Variants in STRN observed in about 807,000 individuals in gnomAD.
The protein encoded by STRN is protein phosphatase 2 regulatory subunit B'''alpha.
In STRN, 53 loss-of-function variants were observed where a neutral mutation model predicts 96.3. That is an observed-to-expected ratio of 0.55 (90% CI 0.44 to 0.69). The LOEUF (loss-of-function observed/expected upper bound fraction) is 0.69, where lower values mean the gene tolerates loss of function less well. Ranked by LOEUF, STRN falls within the 30% of genes least tolerant of loss-of-function variation. The probability of loss-of-function intolerance (pLI) is 0.00; values close to 1 mark genes in which losing one functional copy is unlikely to be tolerated. For missense variants in STRN, 987 were observed against 963.9 expected, an observed-to-expected ratio of 1.02 and a Z score of -0.32; for synonymous variants, 428 against 355.9, an observed-to-expected ratio of 1.20 and a Z score of -2.28.
chr2:36,865,320 T>C (rs1474755063), intron 12 of STRN, among the ~76,000 whole-genome samples: 1 of 152,244 alleles, frequency 6.6e-6, no homozygotes, highest in African/African-American at 2.4e-5. Flanking sequence ...TTGGTGGTAA[T>C]ATTACATTTA....
At chr2:36,861,855 A>G (rs150543722) in intron 12 of STRN, among the ~76,000 whole-genome samples, 1 of 152,262 alleles carries the variant, frequency 6.6e-6, no homozygotes, top group Non-Finnish European at 1.5e-5. Context: ...TTTGCTGTAC[A>G]TATTATTCCC....
chr2:36,891,056 A>T (rs1278043203), intron 7 of STRN, among the ~76,000 whole-genome samples: 1 of 152,122 alleles, frequency 6.6e-6, no homozygotes, highest in African/African-American at 2.4e-5. Flanking sequence ...GCACCCCCCA[A>T]TCCAAAAATC....
intron 7 of STRN, among the ~76,000 whole-genome samples, chr2:36,890,985 T>C (rs1340840277): frequency 6.6e-6 from 1 of 152,198 alleles, no homozygotes; most frequent in Non-Finnish European, 1.5e-5. Flanking sequence ...TGCTTGGGAC[T>C]AGAAGTATTT....
chr2:36,902,535 T>G, intron 5 of STRN, 49 bp downstream of exon 5: 3 of 1,460,176 alleles, frequency 2.1e-6, no homozygotes, highest in Non-Finnish European at 2.7e-6. Context: ...CCAAAAATAT[T>G]TAATAAGAAC....
chr2:36,876,049 G>T (rs1463233716), intron 10 of STRN, among the ~76,000 whole-genome samples: 1 of 152,100 alleles, frequency 6.6e-6, no homozygotes, highest in Admixed American at 6.6e-5. Context: ...CAGGTGAACT[G>T]CTTGAGCTTA....
rs189942376 is a variant in STRN, at chr2:36,838,335, T to C, written c.*11121A>G. On this transcript the variant is annotated 3_prime_UTR_variant, in exon 18 of 18. Coordinates refer to ENST00000263918, the MANE Select transcript of STRN (RefSeq NM_003162.4). Reference sequence around the variant, plus strand: ...TGAGTACCCACCCTGGAAGACACTTTCATTTCAGCCTTGTTGGGCCTTGAA... The same window carrying C: ...TGAGTACCCACCCTGGAAGACACTTCCATTTCAGCCTTGTTGGGCCTTGAA... Among the ~76,000 whole-genome samples, 1 of 152,316 alleles carries C rather than the reference T, an allele frequency of 6.6e-6. No homozygotes were observed. The highest frequency in any genetic ancestry group is 1.9e-4 in the East Asian group (1 of 5,180).
chr2:36,944,198 G>A (rs1243740321), intron 1 of STRN, among the ~76,000 whole-genome samples: 1 of 152,158 alleles, frequency 6.6e-6, no homozygotes, highest in African/African-American at 2.4e-5. Context: ...AGATGTTAGA[G>A]TTAAATTTTT....
At position 36,869,539 on chromosome 2, in the gene STRN, G is replaced by C. The variant is rs751706727; in HGVS notation, c.1499+15C>G. 2.7e-6 allele frequency: 4 copies of C among 1,493,112 alleles called. No homozygotes were observed. In the African/African-American group the frequency reaches 5.7e-5, roughly 21 times the overall value. The allele number at this position is 1,493,112 out of a possible 1,614,324, so 92.5% of individuals were successfully genotyped here. ...CTTAAAATATTCAAATAATGTTAAA[G>C]TAGAATATTCTCACTTTTTGGCTGG... On this transcript the variant is annotated intron_variant, in intron 11 of 17. Transcript: ENST00000263918.
intron 1 of STRN, among the ~76,000 whole-genome samples, chr2:36,933,240 C>A (rs1670619791): frequency 6.6e-6 from 1 of 152,032 alleles, no homozygotes; most frequent in Non-Finnish European, 1.5e-5. Context: ...TATAAATAAT[C>A]TAGAGATGAT....
chr2:36,946,493 T>C (rs1200544476), intron 1 of STRN, among the ~76,000 whole-genome samples: 1 of 152,202 alleles, frequency 6.6e-6, no homozygotes, highest in Non-Finnish European at 1.5e-5. Flanking sequence ...AAAAATCTTG[T>C]TTGAGAAGAC....
At chr2:36,922,499 A>G (rs867186555) in intron 2 of STRN, among the ~76,000 whole-genome samples, 12 of 149,184 alleles carry the variant, frequency 8.0e-5, no homozygotes, top group African/African-American at 3.0e-4. Flanking sequence ...AGCCTAGGCA[A>G]CAGAGCAAGA....
chr2:36,931,030 C>CA (rs532988993), intron 1 of STRN, among the ~76,000 whole-genome samples: 8,160 of 141,024 alleles, frequency 0.058, 698 homozygotes, highest in African/African-American at 0.19. Flanking sequence ...AAAATTGCCT[C>CA]AAAAAAAAAA....
At chr2:36,885,543 T>C (rs1669197128) in intron 8 of STRN, among the ~76,000 whole-genome samples, 1 of 152,188 alleles carries the variant, frequency 6.6e-6, no homozygotes, top group Non-Finnish European at 1.5e-5. Context: ...TCTGATTTAA[T>C]CTATCTTGAG....
chr2:36,849,826 T>G, intron 16 of STRN, 26 bp from the exon 17 acceptor site: 1 of 1,604,128 alleles, frequency 6.2e-7, no homozygotes. Flanking sequence ...TTGTTACTCC[T>G]TATTAATGCC....
intron 11 of STRN, among the ~76,000 whole-genome samples, chr2:36,868,801 G>A (rs1391084633): frequency 6.6e-6 from 1 of 151,408 alleles, no homozygotes; most frequent in African/African-American, 2.4e-5. Flanking sequence ...TCTATTTGAT[G>A]TTCAGTGATG....
At chr2:36,913,789 C>A (rs1278876159) in intron 3 of STRN, among the ~76,000 whole-genome samples, 1 of 152,132 alleles carries the variant, frequency 6.6e-6, no homozygotes, top group East Asian at 1.9e-4. Flanking sequence ...AGGTATTGTA[C>A]ACTAAGAAAA....
chr2:36,870,100 C>T (rs543362560), intron 10 of STRN, among the ~76,000 whole-genome samples: 124 of 152,010 alleles, frequency 8.2e-4, no homozygotes, highest in Non-Finnish European at 1.6e-3. Context: ...ATCTTTAAAC[C>T]TGCTAACATT....
At chr2:36,947,197 G>A (rs956171730) in intron 1 of STRN, among the ~76,000 whole-genome samples, 7 of 151,920 alleles carry the variant, frequency 4.6e-5, no homozygotes, top group African/African-American at 1.5e-4. Context: ...CACCTGGCCA[G>A]AAAGACATTT....
intron 7 of STRN, among the ~76,000 whole-genome samples, chr2:36,887,601 C>T (rs1157743819): frequency 2.0e-5 from 3 of 152,012 alleles, no homozygotes; most frequent in Non-Finnish European, 4.4e-5. Flanking sequence ...AAATAAACGC[C>T]AATGATCTTT....
Sources: gnomAD v4.1 joint callset for allele counts (sites outside exome capture counted in the v4.1 genomes callset) on GRCh38, gnomAD v4.1.1 for gene constraint, MANE v1.5 for transcripts, NCBI Gene and HGNC (gene_info 2026-07-23, HGNC 2026-07-21) for gene names.